Variants in ABCA13 observed in about 807,000 individuals in gnomAD.
The protein encoded by ABCA13 is ATP-binding cassette sub-family A member 13.
ABCA13 carries 476 observed loss-of-function variants against 478.7 expected under a neutral mutation model. The observed-to-expected ratio is 0.99, with a 90% confidence interval of 0.92 to 1.07. ABCA13 has a LOEUF of 1.07. Ranked by LOEUF, ABCA13 falls within the 50% of genes least tolerant of loss-of-function variation. The pLI, the probability that ABCA13 is intolerant of heterozygous loss-of-function variation, is 0.00. For missense variants in ABCA13, 6,060 were observed against 5,910.6 expected, an observed-to-expected ratio of 1.03 and a Z score of -0.83; for synonymous variants, 2,252 against 2,158.9, an observed-to-expected ratio of 1.04 and a Z score of -1.20.
At chr7:48,466,921 C>T (rs1826938571) in intron 43 of ABCA13, 35 bp from the exon 44 acceptor site, 2 of 1,606,706 alleles carry the variant, frequency 1.2e-6, no homozygotes, top group Admixed American at 3.3e-5. Context: ...ACTAATAATC[C>T]CACTTTGTTT....
chr7:48,467,102 C>T, intron 44 of ABCA13, 57 bp downstream of exon 44: 2 of 1,479,246 alleles, frequency 1.4e-6, no homozygotes, highest in Non-Finnish European at 1.9e-6. Context: ...ATATTGTAGC[C>T]TGGGAGGACT....
At chr7:48,446,156 C>T (rs1470952656) in intron 42 of ABCA13, among the ~76,000 whole-genome samples, 1 of 152,086 alleles carries the variant, frequency 6.6e-6, no homozygotes, top group Non-Finnish European at 1.5e-5. Flanking sequence ...AGTAAGATGG[C>T]ATATTCTTAG....
At chr7:48,288,251 G>C (rs1347065616) in intron 20 of ABCA13, among the ~76,000 whole-genome samples, 173 bp downstream of exon 20, 2 of 152,080 alleles carry the variant, frequency 1.3e-5, no homozygotes. Flanking sequence ...CCTCCCTCTT[G>C]GCCTCTCCCA....
At chr7:48,614,959 A>G (rs1401008435) in intron 58 of ABCA13, among the ~76,000 whole-genome samples, 1 of 149,844 alleles carries the variant, frequency 6.7e-6, no homozygotes, top group African/African-American at 2.4e-5. Flanking sequence ...TGGGTGCAGC[A>G]CACCAGCATG....
chr7:48,298,320 A>T, intron 22 of ABCA13, 46 bp from the exon 23 acceptor site: 1 of 1,554,726 alleles, frequency 6.4e-7, no homozygotes, highest in Non-Finnish European at 8.7e-7. Context: ...GTCAGTAATG[A>T]TCTAAACCTT....
chr7:48,210,025 C>A (rs1785422151), intron 3 of ABCA13, among the ~76,000 whole-genome samples: 1 of 152,062 alleles, frequency 6.6e-6, no homozygotes, highest in Admixed American at 6.5e-5. Context: ...TCTTGCTTTT[C>A]TAATTCTTTA....
chr7:48,624,926 A>G (rs905761466), intron 59 of ABCA13, among the ~76,000 whole-genome samples: 8 of 152,168 alleles, frequency 5.3e-5, no homozygotes, highest in African/African-American at 1.7e-4. Context: ...AATGATTTAA[A>G]GAAAATTGTT....
At chr7:48,430,996 G>A (rs1206444959) in intron 42 of ABCA13, among the ~76,000 whole-genome samples, 1 of 151,936 alleles carries the variant, frequency 6.6e-6, no homozygotes, top group Non-Finnish European at 1.5e-5. Context: ...TTTTCTCTAA[G>A]CATTGCTTCA....
intron 8 of ABCA13, 158 bp downstream of exon 8, chr7:48,234,309 T>A: frequency 1.2e-6 from 1 of 866,964 alleles, no homozygotes; most frequent in Non-Finnish European, 1.9e-6. Flanking sequence ...AGACCCCTAC[T>A]GTCTCCAGCT....
At chr7:48,623,937 G>T (rs1793403890) in intron 59 of ABCA13, among the ~76,000 whole-genome samples, 1 of 152,112 alleles carries the variant, frequency 6.6e-6, no homozygotes, top group South Asian at 2.1e-4. Flanking sequence ...TTGAGGGTAG[G>T]TCGTTAGGTT....
intron 22 of ABCA13, 80 bp from the exon 23 acceptor site, chr7:48,298,286 G>T: frequency 1.5e-6 from 2 of 1,311,738 alleles, no homozygotes; most frequent in South Asian, 3.1e-5. Flanking sequence ...TAGCCAGGTT[G>T]TAATATCAAA....
At chr7:48,473,400 A>C (rs1447007324) in intron 45 of ABCA13, among the ~76,000 whole-genome samples, 1 of 152,212 alleles carries the variant, frequency 6.6e-6, no homozygotes, top group Non-Finnish European at 1.5e-5. Flanking sequence ...TGCTGACTAC[A>C]CAGGAGGCCC....
intron 32 of ABCA13, among the ~76,000 whole-genome samples, chr7:48,371,478 C>T (rs928642660): frequency 1.3e-5 from 2 of 152,056 alleles, no homozygotes; most frequent in African/African-American, 4.8e-5. Flanking sequence ...TTGTAGTTCT[C>T]CTTGTAGAGG....
intron 48 of ABCA13, 106 bp from the exon 49 acceptor site, chr7:48,506,230 C>A: frequency 1.6e-6 from 2 of 1,240,034 alleles, no homozygotes; most frequent in Non-Finnish European, 2.3e-6. Flanking sequence ...GCAAAGCAAG[C>A]AGGATACATT....
intron 58 of ABCA13, among the ~76,000 whole-genome samples, chr7:48,613,482 G>T (rs912128709): frequency 6.6e-6 from 1 of 152,126 alleles, no homozygotes; most frequent in East Asian, 1.9e-4. Flanking sequence ...GAGCCACCAC[G>T]CCTGGCTGGA....
chr7:48,586,494 C>T lies in ABCA13; in HGVS notation c.14506-660C>T, dbSNP rs190168471. Among the ~76,000 whole-genome samples the T allele has an allele frequency of 3.9e-5, 6 of 152,152 alleles. No individual in the cohort carries two copies. In the South Asian group the frequency reaches 6.2e-4, roughly 16 times the overall value. On this transcript the variant is annotated intron_variant, in intron 56 of 61. Coordinates refer to ENST00000435803, the MANE Select transcript of ABCA13 (RefSeq NM_152701.5). ...AACACAGGAACACAAAACCAAATAC[C>T]GTGTGTTCTCGTTTATAGGGGGGAG...
intron 15 of ABCA13, among the ~76,000 whole-genome samples, chr7:48,255,557 G>T (rs1793254700): frequency 6.6e-6 from 1 of 152,062 alleles, no homozygotes; most frequent in Non-Finnish European, 1.5e-5. Flanking sequence ...GGAACATGTG[G>T]TATTTGATTT....
In ABCA13 at chr7:48,244,570, C is replaced by T; in HGVS notation, c.1263-6C>T. The T allele has an allele frequency of 6.2e-7, 1 of 1,610,724 alleles. No individual in the cohort carries two copies. The highest frequency in any genetic ancestry group is 1.7e-5 in the Admixed American group (1 of 59,800). On this transcript the variant is annotated splice_region_variant and splice_polypyrimidine_tract_variant and intron_variant, in intron 10 of 61. Coordinates refer to ENST00000435803, the MANE Select transcript of ABCA13 (RefSeq NM_152701.5). Reference sequence around the variant, plus strand: ...TTTTATTTCATTTATTTATTTTTGCCCTCAGATTACAGCATCTGTGGAAAT... The same window carrying T: ...TTTTATTTCATTTATTTATTTTTGCTCTCAGATTACAGCATCTGTGGAAAT...
intron 31 of ABCA13, among the ~76,000 whole-genome samples, chr7:48,362,963 G>A (rs2129008157): frequency 6.6e-6 from 1 of 152,152 alleles, no homozygotes; most frequent in South Asian, 2.1e-4. Context: ...CCTTCCATTT[G>A]TTTTTCATAT....
Sources: allele counts gnomAD v4.1 joint callset (sites outside exome capture counted in the v4.1 genomes callset), GRCh38; gene constraint gnomAD v4.1.1; transcripts MANE v1.5; gene names NCBI Gene and HGNC (gene_info 2026-07-23, HGNC 2026-07-21).